MAP2K4: variants seen among roughly 807,000 people sequenced by gnomAD.
MAP2K4 encodes the protein mitogen-activated protein kinase kinase 4.
In MAP2K4, 4 loss-of-function variants were observed where a neutral mutation model predicts 48.5. The observed-to-expected ratio is 0.08, with a 90% CI of 0.04 to 0.19. The LOEUF is 0.19. Ranked by LOEUF, MAP2K4 falls within the 10% of genes least tolerant of loss-of-function variation. The pLI is 1.00. For synonymous variants in MAP2K4, 166 were observed against 173.1 expected (o/e 0.96, Z 0.32); for missense variants, 258 against 493.3 (o/e 0.52, Z 4.52).
At chr17:12,076,921 T>C (rs1971031615) in intron 2 of MAP2K4, among the ~76,000 whole-genome samples, 1 of 152,150 alleles carries the variant, frequency 6.6e-6, no homozygotes, top group African/African-American at 2.4e-5. Context: ...TTTATTCATG[T>C]GTTTTTTGCA....
At chr17:12,136,693 G>GT (rs1267104375) in intron 9 of MAP2K4, among the ~76,000 whole-genome samples, 1 of 152,180 alleles carries the variant, frequency 6.6e-6, no homozygotes, top group Non-Finnish European at 1.5e-5. Context: ...AATGTTAATA[G>GT]TTTAAGATTT....
At chr17:12,099,863 T>C (rs1158771399) in intron 4 of MAP2K4, among the ~76,000 whole-genome samples, 2 of 152,194 alleles carry the variant, frequency 1.3e-5, no homozygotes, top group Admixed American at 6.5e-5. Flanking sequence ...TAAACTCTTA[T>C]TTTAAACATC....
chr17:12,111,701 G>A (rs1972311373), intron 6 of MAP2K4, among the ~76,000 whole-genome samples: 1 of 152,066 alleles, frequency 6.6e-6, no homozygotes, highest in African/African-American at 2.4e-5. Flanking sequence ...TATCAGTTAG[G>A]ATCAGTTAGC....
Position 12,077,026 on chromosome 17 carries a change from G to A in MAP2K4, c.219-4330G>A, listed in dbSNP as rs148917604. On this transcript the variant is annotated intron_variant, in intron 2 of 10. Coordinates refer to ENST00000353533, the MANE Select transcript of MAP2K4 (RefSeq NM_003010.4). ...TGATAGGAAAGTCATTCTGAGGCAG[G>A]ATGCTTTACTGAATTGTTTTTAACC... Among the ~76,000 whole-genome samples, 949 of 152,296 alleles carry A rather than the reference G, an allele frequency of 6.2e-3. 10 individuals carry two copies. The highest frequency in any genetic ancestry group is 0.022 in the African/African-American group (900 of 41,544).
chr17:12,053,289 A>G (rs950990225), intron 1 of MAP2K4, among the ~76,000 whole-genome samples: 2 of 152,090 alleles, frequency 1.3e-5, no homozygotes, highest in Non-Finnish European at 2.9e-5. Context: ...TGTTATCATT[A>G]TGTATATATA....
intron 4 of MAP2K4, among the ~76,000 whole-genome samples, chr17:12,103,325 G>C (rs1377014096): frequency 6.6e-6 from 1 of 151,866 alleles, no homozygotes; most frequent in Non-Finnish European, 1.5e-5. Context: ...GGAATTACAG[G>C]TGTGAGCCAT....
At chr17:12,041,818 G>A (rs1969793983) in intron 1 of MAP2K4, among the ~76,000 whole-genome samples, 1 of 152,154 alleles carries the variant, frequency 6.6e-6, no homozygotes. Context: ...AATGACAGGT[G>A]CTGTTACGAA....
At chr17:12,097,714 T>C (rs1971805654) in intron 4 of MAP2K4, among the ~76,000 whole-genome samples, 3 of 152,210 alleles carry the variant, frequency 2.0e-5, no homozygotes. Context: ...TTTTTCCAGA[T>C]AGGAAAATGA....
chr17:12,058,030 G>A (rs1366872735), intron 2 of MAP2K4, among the ~76,000 whole-genome samples: 1 of 151,624 alleles, frequency 6.6e-6, no homozygotes, highest in African/African-American at 2.4e-5. Flanking sequence ...CACCTGGTGG[G>A]CTTGGCTTTA....
At chr17:12,102,963 G>T (rs1971982958) in intron 4 of MAP2K4, among the ~76,000 whole-genome samples, 1 of 149,100 alleles carries the variant, frequency 6.7e-6, no homozygotes, top group Admixed American at 6.7e-5. Flanking sequence ...CCAGCTAGAG[G>T]TTTATCAATG....
intron 7 of MAP2K4, among the ~76,000 whole-genome samples, chr17:12,113,903 C>T (rs761453892): frequency 1.3e-5 from 2 of 152,112 alleles, no homozygotes; most frequent in Non-Finnish European, 2.9e-5. Flanking sequence ...ACTCATCTTA[C>T]CCCAGTATAT....
chr17:12,097,200 G>T (rs1046522514), intron 4 of MAP2K4, among the ~76,000 whole-genome samples: 2 of 152,110 alleles, frequency 1.3e-5, no homozygotes, highest in Admixed American at 6.5e-5. Flanking sequence ...ACCATATGCA[G>T]AACAATAGTT....
chr17:12,066,497 G>A (rs1362740317), intron 2 of MAP2K4, among the ~76,000 whole-genome samples: 1 of 151,880 alleles, frequency 6.6e-6, no homozygotes, highest in South Asian at 2.1e-4. Flanking sequence ...AAATATTTCT[G>A]AATTAACACA....
At chr17:12,060,867 GATTA>G (rs750613461) in intron 2 of MAP2K4, among the ~76,000 whole-genome samples, 24 of 152,032 alleles carry the variant, frequency 1.6e-4, no homozygotes, top group Non-Finnish European at 1.5e-5. Flanking sequence ...AGTTCATTGG[GATTA>G]ATTGTGTTCA....
intron 1 of MAP2K4, among the ~76,000 whole-genome samples, chr17:12,038,297 G>A (rs549771915): frequency 7.9e-5 from 12 of 152,166 alleles, no homozygotes; most frequent in African/African-American, 2.9e-4. Context: ...TATGAGATCC[G>A]AATCTAGGCA....
intron 1 of MAP2K4, among the ~76,000 whole-genome samples, chr17:12,034,122 A>G (rs896981749): frequency 1.1e-4 from 16 of 152,186 alleles, no homozygotes; most frequent in African/African-American, 3.9e-4. Context: ...TACTCACATT[A>G]TTGTTCTTTT....
intron 1 of MAP2K4, among the ~76,000 whole-genome samples, chr17:12,029,977 T>C (rs1969381529): frequency 6.6e-6 from 1 of 152,042 alleles, no homozygotes; most frequent in East Asian, 1.9e-4. Context: ...GTGAATATTA[T>C]ATCATAACTA....
intron 3 of MAP2K4, among the ~76,000 whole-genome samples, chr17:12,094,026 A>G (rs1243722419): frequency 1.3e-5 from 2 of 152,232 alleles, no homozygotes; most frequent in East Asian, 1.9e-4. Flanking sequence ...AAGTAAGATT[A>G]TTAATCCATA....
intron 1 of MAP2K4, among the ~76,000 whole-genome samples, chr17:12,049,483 A>G (rs906895025): frequency 7.9e-5 from 12 of 152,134 alleles, no homozygotes; most frequent in African/African-American, 2.2e-4. Flanking sequence ...TTTAATTTTT[A>G]TGATTCTTTT....
Sources: allele counts gnomAD v4.1 joint callset (sites outside exome capture counted in the v4.1 genomes callset), GRCh38; gene constraint gnomAD v4.1.1; transcripts MANE v1.5; gene names NCBI Gene and HGNC (gene_info 2026-07-23, HGNC 2026-07-21).